The following MACROD2 variants were observed in gnomAD, a reference collection of about 807,000 sequenced individuals.
The protein encoded by MACROD2 is ADP-ribose glycohydrolase MACROD2.
A neutral mutation model predicts 70.4 loss-of-function variants in MACROD2; 36 were observed. That is an observed-to-expected ratio of 0.51 (90% CI 0.39 to 0.68). The LOEUF (loss-of-function observed/expected upper bound fraction) is 0.68, where lower values mean the gene tolerates loss of function less well. MACROD2 is among the 30% of genes least tolerant of loss of function. The probability of loss-of-function intolerance (pLI) is 0.00; values close to 1 mark genes in which losing one functional copy is unlikely to be tolerated. For missense variants in MACROD2, 496 were observed against 538.4 expected (o/e 0.92, Z 0.78); for synonymous variants, 172 against 178.8 (o/e 0.96, Z 0.30).
intron 6 of MACROD2, among the ~76,000 whole-genome samples, chr20:15,388,235 G>A (rs1267032554): frequency 6.6e-6 from 1 of 152,026 alleles, no homozygotes; most frequent in Non-Finnish European, 1.5e-5. Flanking sequence ...TGTGCAAATG[G>A]GGCATGGAAG....
chr20:15,482,325 G>A (rs914432364), intron 7 of MACROD2, among the ~76,000 whole-genome samples: 3 of 152,142 alleles, frequency 2.0e-5, no homozygotes, highest in African/African-American at 7.2e-5. Context: ...AAGTAAGCAT[G>A]TGAAAAAATG....
At chr20:14,390,488 A>G (rs560653555) in intron 3 of MACROD2, among the ~76,000 whole-genome samples, 1 of 152,356 alleles carries the variant, frequency 6.6e-6, no homozygotes, top group Non-Finnish European at 1.5e-5. Flanking sequence ...ACCTGACTTC[A>G]AACTACATTA....
intron 3 of MACROD2, among the ~76,000 whole-genome samples, chr20:14,192,701 TATAG>T (rs1187374884): frequency 6.6e-6 from 1 of 152,018 alleles, no homozygotes; most frequent in Non-Finnish European, 1.5e-5. Context: ...CACTTGGGAG[TATAG>T]ATAAACTGCT....
chr20:15,986,936 C>G, intron 14 of MACROD2, 130 bp from the exon 15 acceptor site: 2 of 1,034,064 alleles, frequency 1.9e-6, no homozygotes, highest in Admixed American at 2.1e-5. Context: ...CAATAGTGTT[C>G]AACTTGGTGT....
intron 5 of MACROD2, among the ~76,000 whole-genome samples, chr20:14,809,907 T>G (rs550816116): frequency 6.6e-6 from 1 of 151,940 alleles, no homozygotes; most frequent in Non-Finnish European, 1.5e-5. Flanking sequence ...AATCCCTGAA[T>G]AGACCAATAT....
intron 3 of MACROD2, among the ~76,000 whole-genome samples, chr20:14,354,983 G>C (rs917639221): frequency 6.6e-6 from 1 of 152,164 alleles, no homozygotes; most frequent in Admixed American, 6.6e-5. Context: ...TCTTATGGCT[G>C]TGTAATATTC....
intron 3 of MACROD2, among the ~76,000 whole-genome samples, chr20:14,299,561 A>G (rs974748279): frequency 6.6e-6 from 1 of 152,300 alleles, no homozygotes; most frequent in Non-Finnish European, 1.5e-5. Flanking sequence ...TTAGAATATT[A>G]TATACACTTA....
chr20:15,113,154 A>T (rs2075968017), intron 5 of MACROD2, among the ~76,000 whole-genome samples: 1 of 152,222 alleles, frequency 6.6e-6, no homozygotes, highest in African/African-American at 2.4e-5. Context: ...TTGATGAATC[A>T]TATAATAACT....
At chr20:14,059,303 CAT>C (rs2053666101) in intron 2 of MACROD2, among the ~76,000 whole-genome samples, 1 of 152,000 alleles carries the variant, frequency 6.6e-6, no homozygotes. Flanking sequence ...TTTTTGTAAA[CAT>C]ATTTACAATC....
At chr20:15,341,109 C>T (rs987720585) in intron 6 of MACROD2, among the ~76,000 whole-genome samples, 1 of 152,192 alleles carries the variant, frequency 6.6e-6, no homozygotes, top group Non-Finnish European at 1.5e-5. Context: ...ACGAACACCA[C>T]ACCGGACCCA....
chr20:15,632,413 AG>A (rs1391346378), intron 8 of MACROD2, among the ~76,000 whole-genome samples: 2 of 152,194 alleles, frequency 1.3e-5, no homozygotes, highest in African/African-American at 4.8e-5. Context: ...TTTAGCGGCG[AG>A]GGGGGCCAGT....
chr20:14,103,881 C>T (rs2054332228), intron 3 of MACROD2, among the ~76,000 whole-genome samples: 1 of 152,106 alleles, frequency 6.6e-6, no homozygotes, highest in Non-Finnish European at 1.5e-5. Flanking sequence ...CAGGCTGCGA[C>T]AAACATCCTA....
At chr20:15,747,719 G>A (rs529986165) in intron 8 of MACROD2, among the ~76,000 whole-genome samples, 8 of 151,880 alleles carry the variant, frequency 5.3e-5, no homozygotes, top group South Asian at 2.1e-4. Flanking sequence ...GATTTTCCAC[G>A]GAGATGATCA....
intron 5 of MACROD2, among the ~76,000 whole-genome samples, chr20:14,792,834 C>T (rs564419499): frequency 2.6e-5 from 4 of 152,150 alleles, no homozygotes; most frequent in East Asian, 3.9e-4. Context: ...TAGAATGGTG[C>T]GGTCACTGAA....
At chr20:15,701,016 A>C (rs1184255898) in intron 8 of MACROD2, among the ~76,000 whole-genome samples, 3 of 152,216 alleles carry the variant, frequency 2.0e-5, no homozygotes, top group South Asian at 2.1e-4. Flanking sequence ...GACGATGCTC[A>C]TGTTGGTTCA....
At chr20:15,805,716 T>A (rs1198166807) in intron 8 of MACROD2, among the ~76,000 whole-genome samples, 1 of 152,184 alleles carries the variant, frequency 6.6e-6, no homozygotes, top group African/African-American at 2.4e-5. Context: ...CCTCAGGTGA[T>A]CTGCCCACCT....
At chr20:15,199,543 C>G (rs986524322) in intron 5 of MACROD2, among the ~76,000 whole-genome samples, 1 of 152,098 alleles carries the variant, frequency 6.6e-6, no homozygotes, top group African/African-American at 2.4e-5. Context: ...TAGCACAATT[C>G]CTGGCAGTGG....
chr20:15,094,739 T>G (rs2075816296), intron 5 of MACROD2, among the ~76,000 whole-genome samples: 1 of 152,198 alleles, frequency 6.6e-6, no homozygotes, highest in African/African-American at 2.4e-5. Context: ...AATCTTTTTC[T>G]TTGTTTCTTA....
At chr20:14,084,831 C>T (rs2054056400) in intron 2 of MACROD2, among the ~76,000 whole-genome samples, 1 of 151,542 alleles carries the variant, frequency 6.6e-6, no homozygotes, top group South Asian at 2.1e-4. Flanking sequence ...CTTAGAAGTA[C>T]CAAAGAGCTG....
Sources: gnomAD v4.1 joint callset for allele counts (sites outside exome capture counted in the v4.1 genomes callset) on GRCh38, gnomAD v4.1.1 for gene constraint, MANE v1.5 for transcripts, NCBI Gene and HGNC (gene_info 2026-07-23, HGNC 2026-07-21) for gene names.